The following STXBP6 variants were observed in gnomAD, a reference collection of about 807,000 sequenced individuals.
STXBP6 encodes syntaxin binding protein 6.
Under a neutral mutation model 26.9 loss-of-function variants are expected in STXBP6, and 21 were observed. The observed-to-expected ratio is 0.78, with a 90% CI of 0.55 to 1.12. The LOEUF (loss-of-function observed/expected upper bound fraction) is 1.12. STXBP6 is among the 50% of genes most tolerant of loss of function. STXBP6 has a pLI of 0.00. For missense variants in STXBP6, 232 were observed against 257.9 expected (o/e 0.90, Z 0.69); for synonymous variants, 97 against 92.6 (o/e 1.05, Z -0.27).
chr14:24,971,082 C>A (rs1449857415), intron 2 of STXBP6, among the ~76,000 whole-genome samples: 1 of 152,124 alleles, frequency 6.6e-6, no homozygotes, highest in Non-Finnish European at 1.5e-5. Flanking sequence ...TAGAATTAAA[C>A]CTAAATAACC....
At chr14:24,925,487 C>T (rs2072130141) in intron 2 of STXBP6, among the ~76,000 whole-genome samples, 1 of 152,168 alleles carries the variant, frequency 6.6e-6, no homozygotes, top group Admixed American at 6.5e-5. Flanking sequence ...GTAGTTGGTT[C>T]AAATAATGTG....
intron 1 of STXBP6, among the ~76,000 whole-genome samples, chr14:25,015,439 G>A (rs1566563790): frequency 6.6e-6 from 1 of 151,864 alleles, no homozygotes; most frequent in Admixed American, 6.6e-5. Context: ...GAAAATAAAG[G>A]AGTTTAATTT....
intron 1 of STXBP6, among the ~76,000 whole-genome samples, chr14:24,990,959 G>C (rs1595267291): frequency 2.6e-5 from 4 of 151,446 alleles, no homozygotes; most frequent in Non-Finnish European, 5.9e-5. Context: ...AGAGAGAGAA[G>C]AAAGGAGAGA....
At chr14:25,006,341 A>G (rs929773869) in intron 1 of STXBP6, among the ~76,000 whole-genome samples, 1 of 152,164 alleles carries the variant, frequency 6.6e-6, no homozygotes, top group African/African-American at 2.4e-5. Context: ...AGCTTCTGCC[A>G]TGGTATTTTA....
chr14:24,936,281 GAAACAAAACAAAACAAA>G lies in STXBP6; in HGVS notation c.154+38367_154+38383del, dbSNP rs2072594509. Among the ~76,000 whole-genome samples the G allele has an allele frequency of 2.6e-5, 4 of 151,892 alleles. No individual in the cohort carries two copies. In the South Asian group the frequency reaches 6.2e-4, roughly 24 times the overall value. On this transcript the variant is annotated intron_variant, in intron 2 of 5. Transcript: ENST00000323944. ...CTCCTCACATATGGATCACAGGCCA[GAAACAAAACAAAACAAA>G]AAACAAAACAAAACAAAAAACCCTA...
At chr14:25,019,247 C>T (rs72682975) in intron 1 of STXBP6, among the ~76,000 whole-genome samples, 9,844 of 152,176 alleles carry the variant, frequency 0.065, 426 homozygotes, top group South Asian at 0.16. Context: ...GTAGGAGAAT[C>T]CAAGTCTCAG....
At chr14:24,892,609 G>A (rs1450800742) in intron 2 of STXBP6, among the ~76,000 whole-genome samples, 1 of 152,046 alleles carries the variant, frequency 6.6e-6, no homozygotes, top group Non-Finnish European at 1.5e-5. Context: ...CCCTCTCCAT[G>A]TTGTCTTCCA....
At chr14:24,851,657 G>T (rs2139131454) in intron 4 of STXBP6, among the ~76,000 whole-genome samples, 1 of 152,104 alleles carries the variant, frequency 6.6e-6, no homozygotes, top group South Asian at 2.1e-4. Flanking sequence ...CATCATTTCT[G>T]TTTACAATAA....
chr14:24,852,078 G>C (rs577326891), intron 4 of STXBP6, among the ~76,000 whole-genome samples: 1 of 152,176 alleles, frequency 6.6e-6, no homozygotes, highest in South Asian at 2.1e-4. Context: ...TAGGAGACCA[G>C]AGACCAGACC....
intron 2 of STXBP6, among the ~76,000 whole-genome samples, chr14:24,937,617 C>CATATAT (rs111815475): frequency 1.3e-4 from 20 of 151,926 alleles, no homozygotes; most frequent in Middle Eastern, 3.4e-3. Flanking sequence ...ATGTAAAACA[C>CATATAT]ATATATATAT....
At chr14:24,838,632 C>T (rs943775610) in intron 4 of STXBP6, among the ~76,000 whole-genome samples, 1 of 151,522 alleles carries the variant, frequency 6.6e-6, no homozygotes, top group African/African-American at 2.4e-5. Context: ...TGCAGTGAGC[C>T]GAGATCGCAC....
intron 4 of STXBP6, among the ~76,000 whole-genome samples, chr14:24,823,796 A>T (rs374038453): frequency 2.6e-4 from 40 of 152,340 alleles, no homozygotes; most frequent in African/African-American, 8.4e-4. Flanking sequence ...ACCAATTTGA[A>T]TTTTGGGAAA....
At chr14:24,934,534 T>C (rs2072530162) in intron 2 of STXBP6, among the ~76,000 whole-genome samples, 1 of 152,134 alleles carries the variant, frequency 6.6e-6, no homozygotes, top group African/African-American at 2.4e-5. Flanking sequence ...ATAACAGACA[T>C]TCCATGATGA....
At chr14:24,995,598 C>A (rs1566546370) in intron 1 of STXBP6, among the ~76,000 whole-genome samples, 1 of 152,138 alleles carries the variant, frequency 6.6e-6, no homozygotes, top group Non-Finnish European at 1.5e-5. Context: ...ATTATTCTTA[C>A]CTTCTATGGA....
At chr14:25,006,874 T>A (rs1369513243) in intron 1 of STXBP6, among the ~76,000 whole-genome samples, 3 of 151,656 alleles carry the variant, frequency 2.0e-5, no homozygotes, top group African/African-American at 7.3e-5. Flanking sequence ...AAGCATATTT[T>A]ACTTCAAAGG....
intron 2 of STXBP6, among the ~76,000 whole-genome samples, chr14:24,893,852 T>A (rs2139561616): frequency 6.6e-6 from 1 of 152,298 alleles, no homozygotes; most frequent in South Asian, 2.1e-4. Flanking sequence ...GTAAAATAAT[T>A]CTAAGTCTGA....
Position 24,810,865 on chromosome 14 carries a change from C to CGTGTGTGTGTG in STXBP6, c.*1843_*1844insCACACACACAC, listed in dbSNP as rs1555303499. On this transcript the variant is annotated 3_prime_UTR_variant, in exon 6 of 6. Coordinates refer to ENST00000323944, the MANE Select transcript of STXBP6 (RefSeq NM_001394410.1). ...CCAATTTGGAAAGATAAATACATCTCTGTGTGTGTGTGTGTGTGTGTGTGT... is the reference window on the plus strand; with the variant it reads ...CCAATTTGGAAAGATAAATACATCTCGTGTGTGTGTGTGTGTGTGTGTGTGTGTGTGTGTGT... 1 of 137,570 alleles carries CGTGTGTGTGTG rather than the reference C, an allele frequency of 7.3e-6. No homozygotes were observed. The highest frequency in any genetic ancestry group is 2.2e-4 in the East Asian group (1 of 4,622). 8.5% of individuals were successfully genotyped at this position (137,570 alleles called of 1,614,324 possible).
rs139762445 is a variant in STXBP6 at position 24,842,598 on chromosome 14, C to G, written c.451+13338G>C. Among the ~76,000 whole-genome samples the G allele has an allele frequency of 3.7e-3, 564 of 152,188 alleles. 2 individuals are homozygous for G. Among genetic ancestry groups the G allele is most frequent in the Non-Finnish European group, 5.2e-3 (353 of 67,992 alleles). On this transcript the variant is annotated intron_variant, in intron 4 of 5. Transcript: ENST00000323944. ...TCCAATATTCAATTTCCCAAACATT[C>G]ATTTTTATCAACACAAGAATCCAAA...
At chr14:25,011,131 A>T (rs2075019038) in intron 1 of STXBP6, among the ~76,000 whole-genome samples, 2 of 151,110 alleles carry the variant, frequency 1.3e-5, no homozygotes, top group South Asian at 4.1e-4. Context: ...AAACTAGTTT[A>T]GTATTAAAGA....
Sources: allele counts gnomAD v4.1 joint callset (sites outside exome capture counted in the v4.1 genomes callset), GRCh38; gene constraint gnomAD v4.1.1; transcripts MANE v1.5; gene names NCBI Gene and HGNC (gene_info 2026-07-23, HGNC 2026-07-21).